The following HDAC8 variants were observed in gnomAD, a reference collection of about 807,000 sequenced individuals.
HDAC8 encodes the protein histone deacetylase-like 1.
Under a neutral mutation model 32.2 loss-of-function variants are expected in HDAC8, and 1 was observed. That is an observed-to-expected ratio of 0.03 (90% CI 0.01 to 0.15). HDAC8 has a LOEUF of 0.15. HDAC8 is among the 10% of genes least tolerant of loss of function. The pLI, the probability that HDAC8 is intolerant of heterozygous loss-of-function variation, is 1.00. For missense variants in HDAC8, 117 were observed against 300.0 expected, an observed-to-expected ratio of 0.39 and a Z score of 4.51; for synonymous variants, 108 against 113.9, an observed-to-expected ratio of 0.95 and a Z score of 0.33.
At chrX:72,453,477 AAAG>A (rs1555988473) in intron 9 of HDAC8, among the ~76,000 whole-genome samples, 1 of 100,174 alleles carries the variant, frequency 1.0e-5, no homozygotes, top group Non-Finnish European at 2.0e-5. Context: ...AGAAAGAAAG[AAAG>A]AAAGAAAGAA....
intron 8 of HDAC8, among the ~76,000 whole-genome samples, chrX:72,464,107 G>A (rs1411454849): frequency 9.0e-6 from 1 of 111,463 alleles, no homozygotes; most frequent in African/African-American, 3.3e-5. Context: ...TGGGGGAAGA[G>A]GCATTCTTGA....
chrX:72,426,931 C>G (rs1337037722), intron 9 of HDAC8, among the ~76,000 whole-genome samples: 1 of 109,780 alleles, frequency 9.1e-6, no homozygotes, highest in Non-Finnish European at 1.9e-5. Context: ...TCTTCTCTCT[C>G]TCTGCACACA....
chrX:72,545,296 C>G (rs1333665177), intron 4 of HDAC8, among the ~76,000 whole-genome samples: 1 of 112,316 alleles, frequency 8.9e-6, no homozygotes, highest in African/African-American at 3.2e-5. Flanking sequence ...CTTGCTGGAC[C>G]AGGAACCTGT....
intron 7 of HDAC8, chrX:72,474,545 T>C: frequency 8.8e-7 from 1 of 1,140,491 alleles, no homozygotes; most frequent in Non-Finnish European, 1.2e-6. Flanking sequence ...CAGGCATCTC[T>C]TTATACTACA....
intron 9 of HDAC8, among the ~76,000 whole-genome samples, chrX:72,392,204 T>A (rs782348172): frequency 8.9e-6 from 1 of 111,918 alleles, no homozygotes; most frequent in East Asian, 2.8e-4. Flanking sequence ...GTACCAACTC[T>A]ACACAGACAG....
At chrX:72,448,364 G>A (rs993382635) in intron 9 of HDAC8, among the ~76,000 whole-genome samples, 4 of 111,998 alleles carry the variant, frequency 3.6e-5, no homozygotes, top group Admixed American at 9.5e-5. Flanking sequence ...ATGGTGTTGG[G>A]AAAACTGGCT....
chrX:72,466,925 G>T (rs933652773), intron 7 of HDAC8: 2 of 111,664 alleles, frequency 1.8e-5, no homozygotes, highest in Non-Finnish European at 3.8e-5. Flanking sequence ...AATCTGGGTG[G>T]CTCTCAAGGG....
intron 9 of HDAC8, among the ~76,000 whole-genome samples, chrX:72,415,508 TAA>T (rs1250336781): frequency 3.6e-5 from 4 of 112,352 alleles, no homozygotes; most frequent in Non-Finnish European, 7.5e-5. Context: ...CAGACCTGTA[TAA>T]ATTTGGAGAG....
intron 5 of HDAC8, 152 bp downstream of exon 5, chrX:72,495,004 C>T: frequency 2.5e-6 from 1 of 407,667 alleles, no homozygotes; most frequent in South Asian, 4.7e-5. Context: ...GGAATTGCAT[C>T]AATTAGAGGA....
At chrX:72,450,652 G>A (rs978338987) in intron 9 of HDAC8, among the ~76,000 whole-genome samples, 1 of 111,274 alleles carries the variant, frequency 9.0e-6, no homozygotes, top group African/African-American at 3.3e-5. Context: ...ATGAATAGTA[G>A]ATTGTATACT....
At chrX:72,535,476 A>G (rs987077079) in intron 4 of HDAC8, among the ~76,000 whole-genome samples, 1 of 111,190 alleles carries the variant, frequency 9.0e-6, no homozygotes, top group African/African-American at 3.3e-5. Flanking sequence ...TCTGGTTTTT[A>G]TGCTTTACCT....
chrX:72,524,742 C>G (rs1348555718), intron 4 of HDAC8, among the ~76,000 whole-genome samples: 12 of 111,146 alleles, frequency 1.1e-4, no homozygotes, highest in African/African-American at 3.9e-4. Context: ...CAGAATGCCA[C>G]GCTCTCCCTG....
chrX:72,387,663 A>C (rs1555962022), intron 9 of HDAC8, among the ~76,000 whole-genome samples: 1 of 111,805 alleles, frequency 8.9e-6, no homozygotes, highest in Non-Finnish European at 1.9e-5. Flanking sequence ...TGTTGTGAGG[A>C]TACAGATAAA....
intron 4 of HDAC8, among the ~76,000 whole-genome samples, chrX:72,515,122 A>G (rs1324141903): frequency 1.8e-4 from 20 of 111,135 alleles, no homozygotes; most frequent in Admixed American, 1.6e-3. Context: ...TTATAGCCAC[A>G]TTGTTGTACA....
At chrX:72,449,924 C>G (rs1652931195) in intron 9 of HDAC8, among the ~76,000 whole-genome samples, 1 of 111,941 alleles carries the variant, frequency 8.9e-6, no homozygotes, top group African/African-American at 3.2e-5. Flanking sequence ...CATTCCTAGG[C>G]ATTGTTCCCA....
intron 9 of HDAC8, among the ~76,000 whole-genome samples, chrX:72,456,815 G>GAAACAA (rs1443261283): frequency 9.1e-6 from 1 of 110,484 alleles, no homozygotes; most frequent in Non-Finnish European, 1.9e-5. Flanking sequence ...AACAAAAAAC[G>GAAACAA]AAACAAAAAC....
chrX:72,474,597 T>C, intron 7 of HDAC8: 2 of 1,182,558 alleles, frequency 1.7e-6, no homozygotes, highest in Non-Finnish European at 1.1e-6. Flanking sequence ...TCATTTAAAA[T>C]GCAGTTTTCT....
At chrX:72,441,775 T>C (rs2047156436) in intron 9 of HDAC8, among the ~76,000 whole-genome samples, 1 of 111,582 alleles carries the variant, frequency 9.0e-6, no homozygotes, top group Admixed American at 9.6e-5. Flanking sequence ...GCAAAGAAGT[T>C]AAAAACTTTG....
intron 10 of HDAC8, among the ~76,000 whole-genome samples, chrX:72,339,437 A>T (rs1274524610): frequency 8.9e-6 from 1 of 112,468 alleles, no homozygotes; most frequent in Non-Finnish European, 1.9e-5. Context: ...GTATGTACAG[A>T]GTGCTGTGGG....
Sources: allele counts gnomAD v4.1 joint callset (sites outside exome capture counted in the v4.1 genomes callset), GRCh38; gene constraint gnomAD v4.1.1; transcripts MANE v1.5; gene names NCBI Gene and HGNC (gene_info 2026-07-23, HGNC 2026-07-21).